The following CLSTN1 variants were observed in gnomAD, a reference collection of about 807,000 sequenced individuals.
CLSTN1 encodes the protein calsyntenin 1.
Under a neutral mutation model 108.3 loss-of-function variants are expected in CLSTN1, and 28 were observed. The ratio of observed to expected loss-of-function variants is 0.26; its 90% CI spans 0.19 to 0.35. The LOEUF is 0.35. CLSTN1 is among the 10% of genes least tolerant of loss of function. The pLI, the probability that CLSTN1 is intolerant of heterozygous loss-of-function variation, is 1.00. For missense variants in CLSTN1, 1,157 were observed against 1,302.6 expected (o/e 0.89, Z 1.72); for synonymous variants, 524 against 534.9 (o/e 0.98, Z 0.28).
intron 1 of CLSTN1, among the ~76,000 whole-genome samples, chr1:9,774,712 C>T (rs1652852971): frequency 6.6e-6 from 1 of 151,900 alleles, no homozygotes; most frequent in African/African-American, 2.4e-5. Flanking sequence ...TGTTACTGAA[C>T]TTCATGCAGT....
rs149821204 is a variant in CLSTN1 at position 9,822,844 on chromosome 1, C to T, written c.91+799G>A. Among the ~76,000 whole-genome samples, 573 of 152,270 alleles carry T rather than the reference C, an allele frequency of 3.8e-3. 1 individual carries two copies. Among genetic ancestry groups the T allele is most frequent in the Admixed American group, 5.5e-3 (84 of 15,288 alleles). Reference sequence around the variant, plus strand: ...CAATCCTAAAAAACCAGAGAGGTTTCTCGTTTTTGTAGAGAACATCTAACC... The same window carrying T: ...CAATCCTAAAAAACCAGAGAGGTTTTTCGTTTTTGTAGAGAACATCTAACC... On this transcript the variant is annotated intron_variant, in intron 1 of 18. Coordinates refer to ENST00000377298, the MANE Select transcript of CLSTN1 (RefSeq NM_001009566.3).
intron 11 of CLSTN1, 33 bp from the exon 12 acceptor site, chr1:9,736,075 C>A: frequency 6.2e-7 from 1 of 1,613,554 alleles, no homozygotes; most frequent in Non-Finnish European, 8.5e-7. Flanking sequence ...CGAAGTCAGG[C>A]GTGCAACCCA....
chr1:9,757,910 A>G (rs1651894494), intron 2 of CLSTN1, among the ~76,000 whole-genome samples: 1 of 150,104 alleles, frequency 6.7e-6, no homozygotes, highest in South Asian at 2.1e-4. Context: ...TAGTGCTACC[A>G]TTTATTCTCC....
intron 2 of CLSTN1, among the ~76,000 whole-genome samples, chr1:9,771,722 C>T (rs1053366321): frequency 2.0e-5 from 3 of 152,140 alleles, no homozygotes; most frequent in African/African-American, 7.2e-5. Context: ...TCCTTTTCAT[C>T]AGAATTCTCT....
chr1:9,756,395 C>T lies in CLSTN1; in HGVS notation c.244+86G>A. The T allele has an allele frequency of 2.9e-6, 3 of 1,031,364 alleles. No individual in the cohort carries two copies. The Middle Eastern group carries it at 6.4e-4, about 218-fold the overall frequency. The allele number at this position is 1,031,364 out of a possible 1,614,324, so 63.9% of individuals were successfully genotyped here. ...TAAGGATAAAAGAGCATGACAGTTT[C>T]TCCTGTTTAAGGGCTGATTCCCAAT... On this transcript the variant is annotated intron_variant, in intron 3 of 18. Coordinates refer to ENST00000377298, the MANE Select transcript of CLSTN1 (RefSeq NM_001009566.3).
At chr1:9,789,252 G>A (rs1653650660) in intron 1 of CLSTN1, among the ~76,000 whole-genome samples, 1 of 151,210 alleles carries the variant, frequency 6.6e-6, no homozygotes. Flanking sequence ...GTGTTTTGAG[G>A]AGCCGCCATA....
At chr1:9,793,489 C>A (rs1406397240) in intron 1 of CLSTN1, among the ~76,000 whole-genome samples, 1 of 151,500 alleles carries the variant, frequency 6.6e-6, no homozygotes, top group Non-Finnish European at 1.5e-5. Flanking sequence ...TCAATCTGAC[C>A]TGGCGCTGAC....
intron 1 of CLSTN1, among the ~76,000 whole-genome samples, chr1:9,810,400 C>T (rs189406746): frequency 5.5e-4 from 78 of 140,736 alleles, no homozygotes; most frequent in East Asian, 2.0e-3. Context: ...TGCTTGAAGC[C>T]GGGAGGCAGA....
Position 9,756,492 on chromosome 1 carries a change from A to G in CLSTN1, c.233T>C (p.Val78Ala). ...GAACCCTTTATCACCTTCTTTGGTG[A>G]CTGTCACCTCAAAACTCTCTAAAGG... ...LRFAESFEVT[V>A]TKEGEICGFK... The change falls in exon 3 of 19, where the codon GTC becomes GCC. Residue 78 changes from valine to alanine, a missense_variant. Transcript: ENST00000377298. 6.2e-7 allele frequency: 1 copy of G among 1,612,644 alleles called. No individual in the cohort carries two copies. The highest frequency in any genetic ancestry group is 8.5e-7 in the Non-Finnish European group (1 of 1,178,762).
Position 9,730,944 on chromosome 1 carries a change from C to T in CLSTN1, c.2749-239G>A, listed in dbSNP as rs1408082438. On this transcript the variant is annotated intron_variant, in intron 18 of 18. Transcript: ENST00000377298. This position sits in a 1 kb window ranked among gnomAD's most constrained non-coding sequence, Gnocchi z 5.6. Reference sequence around the variant, plus strand: ...AGCTTGGGACAGCACCTCAGCTGCCCCACCAGAGAACTCTCTCAGGATTAC... The same window carrying T: ...AGCTTGGGACAGCACCTCAGCTGCCTCACCAGAGAACTCTCTCAGGATTAC... Among the ~76,000 whole-genome samples, 1 of 152,162 alleles carries T rather than the reference C, an allele frequency of 6.6e-6. No individual in the cohort carries two copies. The highest frequency in any genetic ancestry group is 2.4e-5 in the African/African-American group (1 of 41,430).
Position 9,823,690 on chromosome 1 carries a change from A to G in CLSTN1, c.44T>C (p.Leu15Pro). Residue 15 changes from leucine (L) to proline (P), a missense_variant, in exon 1 of 19, where the codon CTG (leucine) becomes CCG (proline). Leu to Pro is a moderately conservative substitution (Grantham distance 98, BLOSUM62 -3). Coordinates refer to ENST00000377298, the MANE Select transcript of CLSTN1 (RefSeq NM_001009566.3). This position sits in a 1 kb window ranked among gnomAD's most constrained non-coding sequence, Gnocchi z 6.3. ...PAPALAPAAR[L>P]LLAGLLCGGG... ...GCCGCACAGCAGCCCGGCCAGCAGC[A>G]GCCGGGCGGCCGGGGCCAGCGCGGG... is the stretch of plus-strand genomic sequence containing the variant. 1.7e-6 allele frequency: 2 copies of G among 1,153,106 alleles called. No individual in the cohort carries two copies. Among genetic ancestry groups the G allele is most frequent in the Non-Finnish European group, 2.1e-6 (2 of 937,198 alleles). The allele number at this position is 1,153,106 out of a possible 1,614,324, so 71.4% of individuals were successfully genotyped here.
intron 4 of CLSTN1, among the ~76,000 whole-genome samples, chr1:9,752,622 G>A (rs1651606291): frequency 6.6e-6 from 1 of 152,078 alleles, no homozygotes; most frequent in Non-Finnish European, 1.5e-5. Context: ...CAGCACTTTG[G>A]GAGGCTGAGG....
intron 1 of CLSTN1, among the ~76,000 whole-genome samples, chr1:9,817,601 T>C (rs1655024174): frequency 6.6e-6 from 1 of 152,194 alleles, no homozygotes; most frequent in Non-Finnish European, 1.5e-5. Context: ...GTGCTGGGAT[T>C]ACAGTTGTGA....
At chr1:9,756,383 G>T in intron 3 of CLSTN1, 98 bp downstream of exon 3, 1 of 916,418 alleles carries the variant, frequency 1.1e-6, no homozygotes, top group Non-Finnish European at 1.8e-6. Context: ...GGATAAAAGA[G>T]CATGACAGTT....
intron 1 of CLSTN1, among the ~76,000 whole-genome samples, chr1:9,804,629 G>T (rs1281868434): frequency 6.6e-6 from 1 of 152,050 alleles, no homozygotes; most frequent in Non-Finnish European, 1.5e-5. Flanking sequence ...CGGATCACTT[G>T]AGCCCAGGAT....
At position 9,735,570 on chromosome 1, in the gene CLSTN1, C is replaced by G. The variant is rs748426720; in HGVS notation, c.1780G>C (p.Asp594His). 6.2e-7 allele frequency: 1 copy of G among 1,614,122 alleles called. No homozygotes were observed. Among genetic ancestry groups the G allele is most frequent in the Non-Finnish European group, 8.5e-7 (1 of 1,180,030 alleles). Residue 594 changes from aspartate to histidine, a missense_variant, in exon 13 of 19, where the codon GAC becomes CAC. Asp to His is a moderately conservative substitution (Grantham distance 81). Transcript: ENST00000377298. ...SQLVLTLEGE[D>H]LGELDKAMQH... Reference sequence around the variant, plus strand: ...ATGGCCTTATCCAATTCCCCGAGGTCTTCTCCCTCCAAGGTCAATACCAAC... The same window carrying G: ...ATGGCCTTATCCAATTCCCCGAGGTGTTCTCCCTCCAAGGTCAATACCAAC...
intron 11 of CLSTN1, 101 bp downstream of exon 11, chr1:9,737,397 G>A (rs1381439862): frequency 2.8e-6 from 3 of 1,074,750 alleles, no homozygotes; most frequent in Admixed American, 3.5e-5. Flanking sequence ...ATGGTGTCCA[G>A]GACCAAAATG....
chr1:9,781,197 AGGC>A, intron 1 of CLSTN1: 1 of 787,690 alleles, frequency 1.3e-6, no homozygotes. Context: ...GAGCTTCGCA[AGGC>A]TACTGAAGCA....
At chr1:9,820,211 A>G (rs1655139830) in intron 1 of CLSTN1, among the ~76,000 whole-genome samples, 1 of 152,084 alleles carries the variant, frequency 6.6e-6, no homozygotes, top group African/African-American at 2.4e-5. Context: ...ATGAATTCCC[A>G]TATCGACACT....
Sources: gnomAD v4.1 joint callset for allele counts (sites outside exome capture counted in the v4.1 genomes callset) on GRCh38, gnomAD v4.1.1 for gene constraint, Gnocchi (gnomAD v3.1) non-coding constraint, MANE v1.5 for transcripts, NCBI Gene and HGNC (gene_info 2026-07-23, HGNC 2026-07-21) for gene names.